The following SYNPO2 variants were observed in gnomAD, a reference collection of about 807,000 sequenced individuals.
SYNPO2 encodes the protein synaptopodin 2, also known as synaptopodin-2.
SYNPO2 carries 56 observed loss-of-function variants against 85.0 expected under a neutral mutation model. The ratio of observed to expected loss-of-function variants is 0.66; its 90% CI spans 0.53 to 0.82. SYNPO2 has a LOEUF of 0.82. Ranked by LOEUF, SYNPO2 falls within the 40% of genes least tolerant of loss-of-function variation. SYNPO2 has a pLI of 0.00. For missense variants in SYNPO2, 1,575 were observed against 1,534.2 expected (o/e 1.03, Z -0.44); for synonymous variants, 602 against 591.1 (o/e 1.02, Z -0.27).
intron 1 of SYNPO2, among the ~76,000 whole-genome samples, chr4:119,007,867 T>C (rs1435722371): frequency 6.6e-6 from 1 of 152,214 alleles, no homozygotes; most frequent in African/African-American, 2.4e-5. Flanking sequence ...TTAAGGAATA[T>C]GAACATGTCA....
intron 1 of SYNPO2, among the ~76,000 whole-genome samples, chr4:118,972,470 A>G (rs1735575729): frequency 6.6e-6 from 1 of 152,196 alleles, no homozygotes; most frequent in African/African-American, 2.4e-5. Context: ...GAATTCTGAG[A>G]TTTCAAGCAG....
rs545783024 is a variant in SYNPO2 at position 118,942,600 on chromosome 4, T to A, written c.105+53459T>A. 6.6e-5 allele frequency among the ~76,000 whole-genome samples: 10 copies of A among 152,286 alleles called. No individual in the cohort carries two copies. In the East Asian group the frequency reaches 1.9e-3, roughly 29 times the overall value. On this transcript the variant is annotated intron_variant, in intron 1 of 4. Coordinates refer to ENST00000307142, the MANE Select transcript of SYNPO2 (RefSeq NM_133477.3). ...CTGGCTCAGCAGTATAATGTATTAC[T>A]TAAAACCCTATAAAGAGAATGACTC...
At chr4:118,913,477 G>A (rs1733206289) in intron 1 of SYNPO2, among the ~76,000 whole-genome samples, 1 of 152,126 alleles carries the variant, frequency 6.6e-6, no homozygotes, top group South Asian at 2.1e-4. Flanking sequence ...ACAGTATTGT[G>A]AGAAAGGTCA....
rs924987575 is a variant in SYNPO2, at chr4:119,030,782, C to T, written c.2007C>T (p.Ser669=). 6.2e-7 allele frequency: 1 copy of T among 1,613,992 alleles called. No individual in the cohort carries two copies. The highest frequency in any genetic ancestry group is 1.3e-5 in the African/African-American group (1 of 74,892). ...ACGATTCGTCTGAGCGAATAGCTTC[C>T]CGAGATGAGAGGATCTCAGTGCCAG... is the stretch of plus-strand genomic sequence containing the variant. The part of the protein sequence containing the change: ...AFYDSSERIA[S]RDERISVPAK... The change falls in exon 4 of 5, where the codon TCC becomes TCT. Residue 669 remains serine, a synonymous_variant. Coordinates refer to ENST00000307142, the MANE Select transcript of SYNPO2 (RefSeq NM_133477.3).
At chr4:118,987,614 A>G (rs34481077) in intron 1 of SYNPO2, among the ~76,000 whole-genome samples, 9,984 of 151,848 alleles carry the variant, frequency 0.066, 457 homozygotes, top group Middle Eastern at 0.13. Context: ...CAGTGAGGAA[A>G]GATCATACCT....
intron 4 of SYNPO2, among the ~76,000 whole-genome samples, chr4:119,053,438 G>A (rs2149201192): frequency 6.6e-6 from 1 of 152,282 alleles, no homozygotes; most frequent in South Asian, 2.1e-4. Flanking sequence ...TCGTCAGTCT[G>A]GGGAAATGTA....
At chr4:118,960,763 G>A (rs1735051103) in intron 1 of SYNPO2, among the ~76,000 whole-genome samples, 1 of 152,012 alleles carries the variant, frequency 6.6e-6, no homozygotes, top group Admixed American at 6.6e-5. Flanking sequence ...TCTCAGGCTT[G>A]GGGATTAGAC....
At chr4:119,007,235 T>TATATACATATATATATATATGTATATAC (rs1737078618) in intron 1 of SYNPO2, among the ~76,000 whole-genome samples, 1 of 48,818 alleles carries the variant, frequency 2.0e-5, no homozygotes, top group African/African-American at 9.4e-5. Flanking sequence ...TATATATATA[T>TATATACATATATATATATATGTATATAC]ATATATATAT....
intron 1 of SYNPO2, among the ~76,000 whole-genome samples, chr4:118,993,605 C>T (rs578261718): frequency 1.3e-5 from 2 of 152,284 alleles, no homozygotes; most frequent in East Asian, 1.9e-4. Context: ...GCACAAGTCT[C>T]TTGGCCTACA....
In SYNPO2 at chr4:118,882,671, A is replaced by G. The variant is rs768878095; in HGVS notation, c.12+31731A>G. Among the ~76,000 whole-genome samples the G allele has an allele frequency of 7.0e-4, 107 of 152,324 alleles. No homozygotes were observed. The Middle Eastern group carries it at 0.01, about 15-fold the overall frequency. ...TTTCTGAAAATGAAACTTTTAATAG[A>G]CATGTATCCTAAGAGGGCTTTAATA... is the stretch of plus-strand genomic sequence containing the variant. On this transcript the variant is annotated intron_variant, in intron 1 of 4. Transcript: ENST00000610556.
intron 1 of SYNPO2, among the ~76,000 whole-genome samples, chr4:118,883,321 T>A (rs781506699): frequency 6.6e-5 from 10 of 152,188 alleles, no homozygotes; most frequent in Non-Finnish European, 1.2e-4. Flanking sequence ...TCATAAACAT[T>A]AGCTCAAAAT....
At chr4:118,887,166 A>AGAGT (rs57115153), upstream of SYNPO2, among the ~76,000 whole-genome samples, 2,859 of 139,126 alleles carry the variant, frequency 0.021, 39 homozygotes, top group East Asian at 0.046. Flanking sequence ...CATCTGAGTG[A>AGAGT]GTGTGTGTGT....
At chr4:118,875,801 C>T (rs982435006) in intron 1 of SYNPO2, among the ~76,000 whole-genome samples, 1 of 152,208 alleles carries the variant, frequency 6.6e-6, no homozygotes, top group African/African-American at 2.4e-5. Flanking sequence ...TAAACCTCTG[C>T]CCGTTAATGT....
intron 1 of SYNPO2, among the ~76,000 whole-genome samples, chr4:118,909,222 C>T (rs867647464): frequency 6.6e-6 from 1 of 152,204 alleles, no homozygotes; most frequent in African/African-American, 2.4e-5. Context: ...AAGCTCTTTT[C>T]AGGGTTGTGA....
At chr4:118,852,075 A>G (rs1011926762) in intron 1 of SYNPO2, among the ~76,000 whole-genome samples, 4 of 152,222 alleles carry the variant, frequency 2.6e-5, no homozygotes, top group African/African-American at 9.6e-5. Flanking sequence ...ATTTTGCAAC[A>G]TCACACATTT....
chr4:118,892,558 T>A (rs1375753355), intron 1 of SYNPO2, among the ~76,000 whole-genome samples: 1 of 152,192 alleles, frequency 6.6e-6, no homozygotes, highest in African/African-American at 2.4e-5. Flanking sequence ...TCTCAGGACA[T>A]ACTTTTGGCA....
At chr4:118,976,723 C>G (rs1042626964) in intron 1 of SYNPO2, among the ~76,000 whole-genome samples, 2 of 152,186 alleles carry the variant, frequency 1.3e-5, no homozygotes, top group African/African-American at 2.4e-5. Context: ...CATTCACAAA[C>G]CTTGAGCTAA....
rs78684635 is a variant in SYNPO2 at position 118,975,414 on chromosome 4, G to A, written c.106-48016G>A. Among the ~76,000 whole-genome samples the A allele has an allele frequency of 2.2e-3, 337 of 152,276 alleles. 7 individuals are homozygous for A. The highest frequency in any genetic ancestry group is 8.9e-3 in the East Asian group (46 of 5,190). ...AAGCTTTAAGAGTGGGAATAGGCTG[G>A]CATATGAATGACAAACAGAGATGAA... On this transcript the variant is annotated intron_variant, in intron 1 of 4. Transcript: ENST00000307142.
rs1225029937 is a variant in SYNPO2 at position 118,888,983 on chromosome 4, C to T, written c.-54C>T. On this transcript the variant is annotated 5_prime_UTR_variant, in exon 1 of 5. Transcript: ENST00000307142. Reference sequence around the variant, plus strand: ...GCTGAGTGCGCATCCTCTACCGCACCCAAGCTTCGTCTGTCTCGTCAAGCT... The same window carrying T: ...GCTGAGTGCGCATCCTCTACCGCACTCAAGCTTCGTCTGTCTCGTCAAGCT... The T allele has an allele frequency of 3.6e-5, 57 of 1,582,420 alleles. No individual in the cohort carries two copies. Among genetic ancestry groups the T allele is most frequent in the Non-Finnish European group, 4.8e-5 (55 of 1,152,812 alleles).
Sources: allele counts gnomAD v4.1 joint callset (sites outside exome capture counted in the v4.1 genomes callset), GRCh38; gene constraint gnomAD v4.1.1; transcripts MANE v1.5; gene names NCBI Gene and HGNC (gene_info 2026-07-23, HGNC 2026-07-21).